PARP16: variants seen among roughly 807,000 people sequenced by gnomAD.
PARP16 encodes protein mono-ADP-ribosyltransferase PARP16.
PARP16 carries 31 observed loss-of-function variants against 35.0 expected under a neutral mutation model. The ratio of observed to expected loss-of-function variants is 0.88; its 90% CI spans 0.66 to 1.19. The LOEUF (loss-of-function observed/expected upper bound fraction) is 1.19. Among genes scored for constraint, PARP16 ranks in the 50% most tolerant of loss-of-function variants. The pLI, the probability that PARP16 is intolerant of heterozygous loss-of-function variation, is 0.00. For synonymous variants in PARP16, 162 were observed against 169.5 expected, an observed-to-expected ratio of 0.96 and a Z score of 0.34; for missense variants, 424 against 411.2, an observed-to-expected ratio of 1.03 and a Z score of -0.27.
chr15:65,233,140 G>A (rs1202198176), downstream of PARP16, among the ~76,000 whole-genome samples: 1 of 152,154 alleles, frequency 6.6e-6, no homozygotes, highest in African/African-American at 2.4e-5. Context: ...TTGACCAGGT[G>A]CGGTGGCTCA....
intron 1 of PARP16, chr15:65,285,483 A>T: frequency 2.5e-6 from 1 of 403,102 alleles, no homozygotes; most frequent in South Asian, 2.0e-5. Flanking sequence ...TGCAAGTCAG[A>T]ATCTGATACC....
rs749735455 is a variant in PARP16, at chr15:65,259,539, A to G, written c.837T>C (p.Ala279=). Residue 279 remains alanine, a synonymous_variant, in exon 6 of 6, where the codon GCT becomes GCC. Coordinates refer to ENST00000649807, the MANE Select transcript of PARP16 (RefSeq NM_001316943.2). ...LVYSQKPPKR[A]SSQLSWFSSH... ...TGGAAAACCAGGAGAGCTGGCTCGA[A>G]GCCCTGCTTAAGAGGGAAAAAAGAG... 6.2e-7 allele frequency: 1 copy of G among 1,614,034 alleles called. No individual in the cohort carries two copies. The highest frequency in any genetic ancestry group is 8.5e-7 in the Non-Finnish European group (1 of 1,179,970).
At chr15:65,255,743 GAAAAAAAAAAAAA>G (rs56665485), downstream of PARP16, among the ~76,000 whole-genome samples, 6 of 57,160 alleles carry the variant, frequency 1.0e-4, no homozygotes, top group Admixed American at 1.8e-4. Flanking sequence ...AGAAAACTCA[GAAAAAAAAAAAAA>G]AAAAAGAAAA....
intron 1 of PARP16, among the ~76,000 whole-genome samples, chr15:65,273,884 A>AC (rs1038366194): frequency 2.6e-5 from 4 of 151,378 alleles, no homozygotes; most frequent in African/African-American, 4.8e-5. Flanking sequence ...TTCAAAAAAA[A>AC]AAAAAACAAA....
intron 3 of PARP16, among the ~76,000 whole-genome samples, chr15:65,241,460 A>G (rs2089078754): frequency 2.0e-5 from 3 of 152,182 alleles, no homozygotes. Flanking sequence ...AAGTGCTTAT[A>G]CATTCCTACC....
At chr15:65,274,054 G>A (rs1202783847) in intron 1 of PARP16, among the ~76,000 whole-genome samples, 1 of 124,834 alleles carries the variant, frequency 8.0e-6, no homozygotes, top group Non-Finnish European at 1.6e-5. Flanking sequence ...ACCCCCACCC[G>A]AAGTGATTCT....
chr15:65,269,473 G>C, intron 2 of PARP16, among the ~76,000 whole-genome samples: 1 of 152,144 alleles, frequency 6.6e-6, no homozygotes, highest in East Asian at 1.9e-4. Flanking sequence ...TGGGATTACA[G>C]GCATGAGCTA....
chr15:65,250,446 C>A (rs1489752275), intron 2 of PARP16, among the ~76,000 whole-genome samples: 1 of 152,100 alleles, frequency 6.6e-6, no homozygotes, highest in East Asian at 1.9e-4. Context: ...CCTTTAGAGT[C>A]AGCCCTGGTT....
At chr15:65,250,107 CTTTTTTTTTTTT>C (rs71136331) in intron 2 of PARP16, among the ~76,000 whole-genome samples, 3 of 87,138 alleles carry the variant, frequency 3.4e-5, no homozygotes, top group African/African-American at 5.5e-5. Context: ...ACCTGCTTGC[CTTTTTTTTTTTT>C]TTTTTTTTTT....
chr15:65,258,763 T>C lies in PARP16; in HGVS notation c.*644A>G, dbSNP rs2089596676. The C allele has an allele frequency of 6.6e-6, 1 of 152,664 alleles. No homozygotes were observed. The highest frequency in any genetic ancestry group is 1.5e-5 in the Non-Finnish European group (1 of 68,036). 9.5% of individuals were successfully genotyped at this position (152,664 alleles called of 1,614,324 possible). On this transcript the variant is annotated 3_prime_UTR_variant, in exon 6 of 6. Coordinates refer to ENST00000649807, the MANE Select transcript of PARP16 (RefSeq NM_001316943.2). ...CTCATCTTGAGTTGCTCATTAAGTC[T>C]GTATTTTTTATCAGGCCCCTGACTC...
chr15:65,231,033 C>A (rs151243777), downstream of PARP16, among the ~76,000 whole-genome samples: 118 of 152,102 alleles, frequency 7.8e-4, no homozygotes, highest in Non-Finnish European at 1.3e-3. Flanking sequence ...GAATTACAGG[C>A]ACCTGCCATC....
downstream of PARP16, among the ~76,000 whole-genome samples, chr15:65,255,137 C>G (rs540779178): frequency 6.6e-6 from 1 of 152,262 alleles, no homozygotes; most frequent in African/African-American, 2.4e-5. Context: ...CCTATGGGAT[C>G]TCCCTGAGAT....
chr15:65,241,523 G>A (rs1279994306), intron 3 of PARP16, among the ~76,000 whole-genome samples: 1 of 152,096 alleles, frequency 6.6e-6, no homozygotes, highest in Non-Finnish European at 1.5e-5. Context: ...CACTTCATAT[G>A]GTCAGTCTTT....
At chr15:65,274,485 G>A (rs1209169781) in intron 1 of PARP16, among the ~76,000 whole-genome samples, 5 of 151,732 alleles carry the variant, frequency 3.3e-5, no homozygotes, top group Non-Finnish European at 7.4e-5. Context: ...GAGGTGGGAG[G>A]ATCGCTAGAG....
At chr15:65,266,446 T>A (rs1359155578) in intron 3 of PARP16, 116 bp downstream of exon 3, 2 of 786,352 alleles carry the variant, frequency 2.5e-6, no homozygotes, top group Non-Finnish European at 4.3e-6. Context: ...TGAGAAGGCG[T>A]TAGTAAACCT....
At chr15:65,285,060 C>T (rs2090543425) in intron 1 of PARP16, among the ~76,000 whole-genome samples, 1 of 151,868 alleles carries the variant, frequency 6.6e-6, no homozygotes, top group Non-Finnish European at 1.5e-5. Flanking sequence ...CTTGGGATTA[C>T]AGGCATGAGC....
intron 1 of PARP16, among the ~76,000 whole-genome samples, chr15:65,280,464 T>C (rs1295988875): frequency 6.7e-6 from 1 of 148,158 alleles, no homozygotes; most frequent in Non-Finnish European, 1.5e-5. Flanking sequence ...AAATTAGCCA[T>C]GGACCAGCAA....
In PARP16 at chr15:65,286,686, A is replaced by T; in HGVS notation, c.-260T>A. 124 of 243,392 alleles carry T rather than the reference A, an allele frequency of 5.1e-4. No individual in the cohort carries two copies. The highest frequency in any genetic ancestry group is 1.2e-3 in the Middle Eastern group (1 of 810). 15.1% of individuals were successfully genotyped at this position (243,392 alleles called of 1,614,324 possible). On this transcript the variant is annotated 5_prime_UTR_variant, in exon 1 of 6. Transcript: ENST00000649807. ...GCGGGTCGGCGGGGAGGTTGGGCCC[A>T]GGGATAAAGGAACTGGGGCTGGTGG...
At chr15:65,282,833 G>C (rs1005236648) in intron 1 of PARP16, among the ~76,000 whole-genome samples, 5 of 152,190 alleles carry the variant, frequency 3.3e-5, no homozygotes, top group Admixed American at 2.6e-4. Context: ...AAGGGAGAAG[G>C]GGGAGGATGG....
Sources: gnomAD v4.1 joint callset for allele counts (sites outside exome capture counted in the v4.1 genomes callset) on GRCh38, gnomAD v4.1.1 for gene constraint, MANE v1.5 for transcripts, NCBI Gene and HGNC (gene_info 2026-07-23, HGNC 2026-07-21) for gene names.